MTUS2: variants seen among roughly 807,000 people sequenced by gnomAD.
MTUS2 encodes the protein microtubule-associated tumor suppressor candidate 2.
MTUS2 carries 40 observed loss-of-function variants against 114.1 expected under a neutral mutation model. The ratio of observed to expected loss-of-function variants is 0.35; its 90% CI spans 0.27 to 0.46. The LOEUF (loss-of-function observed/expected upper bound fraction) is 0.46, where lower values mean the gene tolerates loss of function less well. Among genes scored for constraint, MTUS2 ranks in the 20% least tolerant of loss-of-function variants. MTUS2 has a pLI of 1.00. For synonymous variants in MTUS2, 688 were observed against 672.0 expected (o/e 1.02, Z -0.37); for missense variants, 1,679 against 1,705.4 (o/e 0.98, Z 0.27).
At chr13:29,335,262 G>A (rs111636759) in intron 7 of MTUS2, among the ~76,000 whole-genome samples, 11,478 of 152,164 alleles carry the variant, frequency 0.075, 1,373 homozygotes, top group African/African-American at 0.25. Flanking sequence ...GATGAAATAA[G>A]CCCCGGTCTC....
chr13:29,300,306 C>T (rs1053820952), intron 6 of MTUS2, among the ~76,000 whole-genome samples: 5 of 152,090 alleles, frequency 3.3e-5, no homozygotes, highest in Non-Finnish European at 5.9e-5. Flanking sequence ...ACACTAAAAC[C>T]CTAATTTTCA....
chr13:29,235,368 C>G (rs1285103644), intron 5 of MTUS2, among the ~76,000 whole-genome samples: 1 of 152,152 alleles, frequency 6.6e-6, no homozygotes, highest in Non-Finnish European at 1.5e-5. Flanking sequence ...GCTGGGATTG[C>G]AGGCATGAGC....
At position 29,306,094 on chromosome 13, in the gene MTUS2, A is replaced by G. The variant is rs575318509; in HGVS notation, c.2807-18519A>G. ...CTTTAATAAAATTCAACATTCCTTC[A>G]TGTTAAAAACTCTCGATAAACTAGG... On this transcript the variant is annotated intron_variant, in intron 6 of 15. Coordinates refer to ENST00000612955, the MANE Select transcript of MTUS2 (RefSeq NM_001033602.4). 4.6e-5 allele frequency among the ~76,000 whole-genome samples: 7 copies of G among 152,350 alleles called. No homozygotes were observed. The East Asian group carries it at 5.8e-4, about 13-fold the overall frequency.
At chr13:29,246,059 T>C (rs1368382146) in intron 5 of MTUS2, among the ~76,000 whole-genome samples, 1 of 152,212 alleles carries the variant, frequency 6.6e-6, no homozygotes, top group Non-Finnish European at 1.5e-5. Flanking sequence ...ATGATCCTGG[T>C]ATATTTATGT....
intron 5 of MTUS2, among the ~76,000 whole-genome samples, chr13:29,234,163 A>G (rs1382863518): frequency 1.3e-5 from 2 of 152,188 alleles, no homozygotes; most frequent in Non-Finnish European, 2.9e-5. Flanking sequence ...GTTAAAAAAC[A>G]TAAACACATA....
In MTUS2 at chr13:29,503,081, C is replaced by T. The variant is rs1487191316; in HGVS notation, c.3985C>T (p.Leu1329=). 1.2e-6 allele frequency: 2 copies of T among 1,614,256 alleles called. No individual in the cohort carries two copies. Among genetic ancestry groups the T allele is most frequent in the East Asian group, 2.2e-5 (1 of 44,892 alleles). The change falls in exon 16 of 16, where the codon CTG becomes TTG. Residue 1329 remains leucine, a synonymous_variant. Transcript: ENST00000612955. Reference sequence around the variant, plus strand: ...GAGATTGAGCCGAACCAATGAAGAGCTGCTTTGGAAGCTCCAAACTGGGGA... The same window carrying T: ...GAGATTGAGCCGAACCAATGAAGAGTTGCTTTGGAAGCTCCAAACTGGGGA... The part of the protein sequence containing the change: ...KKRLSRTNEE[L]LWKLQTGDPT...
intron 6 of MTUS2, among the ~76,000 whole-genome samples, chr13:29,302,837 A>G (rs751284922): frequency 5.3e-5 from 8 of 152,222 alleles, no homozygotes; most frequent in Non-Finnish European, 8.8e-5. Context: ...CCCTGATACC[A>G]TTCCTCCTGA....
intron 5 of MTUS2, among the ~76,000 whole-genome samples, chr13:29,253,236 A>T (rs11617444): frequency 6.6e-6 from 1 of 151,286 alleles, no homozygotes; most frequent in Non-Finnish European, 1.5e-5. Context: ...AACCAGCCTG[A>T]CCAACATGGT....
chr13:28,891,858 C>CAAAAAAAAAAAA (rs1169875500), intron 2 of MTUS2, among the ~76,000 whole-genome samples: 3 of 52,174 alleles, frequency 5.7e-5, no homozygotes, highest in African/African-American at 2.1e-4. Flanking sequence ...GACTCTGTCT[C>CAAAAAAAAAAAA]AAAAAAAAAA....
intron 2 of MTUS2, among the ~76,000 whole-genome samples, chr13:29,021,014 A>C (rs326519): frequency 1 from 152,319 of 152,354 alleles, 76,142 homozygotes; most frequent in Non-Finnish European, 1. Flanking sequence ...TGCCTGTAAT[A>C]CTGGCACTTT....
chr13:29,371,196 A>T (rs3125693), intron 8 of MTUS2, among the ~76,000 whole-genome samples: 1 of 147,196 alleles, frequency 6.8e-6, no homozygotes, highest in Non-Finnish European at 1.5e-5. Context: ...ATATTATTTC[A>T]TTTAATATCT....
intron 2 of MTUS2, among the ~76,000 whole-genome samples, chr13:29,010,930 T>G (rs976098223): frequency 6.6e-6 from 1 of 152,028 alleles, no homozygotes; most frequent in Non-Finnish European, 1.5e-5. Context: ...CTGGGAGAGG[T>G]GCCCCTGGAG....
At chr13:28,823,089 G>C (rs1874020212) in intron 1 of MTUS2, among the ~76,000 whole-genome samples, 1 of 145,430 alleles carries the variant, frequency 6.9e-6, no homozygotes, top group Non-Finnish European at 1.5e-5. Flanking sequence ...CCTCCTCTCA[G>C]AGGCAGGATG....
chr13:29,346,620 T>C (rs376474504), intron 7 of MTUS2, among the ~76,000 whole-genome samples: 2 of 48,932 alleles, frequency 4.1e-5, no homozygotes, highest in East Asian at 1.8e-3. Context: ...AGGTTTCACG[T>C]CTCCCCACCT....
intron 2 of MTUS2, among the ~76,000 whole-genome samples, chr13:28,881,515 A>T (rs1209659787): frequency 1.3e-5 from 2 of 152,198 alleles, no homozygotes; most frequent in African/African-American, 4.8e-5. Flanking sequence ...GCTGGATCAT[A>T]TGGCAGTTCT....
At chr13:29,192,459 G>A (rs1894486090) in intron 5 of MTUS2, among the ~76,000 whole-genome samples, 2 of 152,094 alleles carry the variant, frequency 1.3e-5, no homozygotes, top group South Asian at 2.1e-4. Context: ...CTAGAGAGGA[G>A]GAATAAGTTC....
At chr13:29,219,957 G>A (rs961037518) in intron 5 of MTUS2, among the ~76,000 whole-genome samples, 4 of 149,328 alleles carry the variant, frequency 2.7e-5, no homozygotes, top group African/African-American at 9.9e-5. Flanking sequence ...TAATAAAGCT[G>A]TTTTACTTTC....
chr13:29,161,188 G>A (rs567266279), intron 5 of MTUS2, among the ~76,000 whole-genome samples: 1 of 152,166 alleles, frequency 6.6e-6, no homozygotes, highest in Admixed American at 6.5e-5. Flanking sequence ...ATGAGTTTAG[G>A]TAAAAACAGG....
chr13:29,468,448 G>A (rs1593478521), intron 9 of MTUS2, among the ~76,000 whole-genome samples: 1 of 151,966 alleles, frequency 6.6e-6, no homozygotes, highest in African/African-American at 2.4e-5. Context: ...TTGTGGTGGC[G>A]GGCACCTGTA....
Sources: allele counts gnomAD v4.1 joint callset (sites outside exome capture counted in the v4.1 genomes callset), GRCh38; gene constraint gnomAD v4.1.1; transcripts MANE v1.5; gene names NCBI Gene and HGNC (gene_info 2026-07-23, HGNC 2026-07-21).